Variants in SEZ6L observed in about 807,000 individuals in gnomAD.
The protein encoded by SEZ6L is seizure 6-like protein.
SEZ6L carries 37 observed loss-of-function variants against 106.2 expected under a neutral mutation model. The ratio of observed to expected loss-of-function variants is 0.35; its 90% CI spans 0.27 to 0.46. The LOEUF is 0.46. Among genes scored for constraint, SEZ6L ranks in the 20% least tolerant of loss-of-function variants. The pLI, the probability that SEZ6L is intolerant of heterozygous loss-of-function variation, is 1.00. For missense variants in SEZ6L, 1,172 were observed against 1,332.8 expected (o/e 0.88, Z 1.88); for synonymous variants, 541 against 570.4 (o/e 0.95, Z 0.73).
rs1386564055 is a variant in SEZ6L at position 26,169,610 on chromosome 22, C to T, written c.-60C>T. ...TCTCGCTCACCGCCGCCCTCCTTCC[C>T]CAGCTCCCTCGCCGTCCGCCCGCCC... On this transcript the variant is annotated 5_prime_UTR_variant, in exon 1 of 17. Transcript: ENST00000248933. 7 of 609,046 alleles carry T rather than the reference C, an allele frequency of 1.1e-5. No individual in the cohort carries two copies. In the East Asian group the frequency reaches 2.5e-4, roughly 22 times the overall value. 37.7% of individuals were successfully genotyped at this position (609,046 alleles called of 1,614,324 possible).
intron 6 of SEZ6L, among the ~76,000 whole-genome samples, chr22:26,309,572 G>A (rs552331734): frequency 4.6e-5 from 7 of 151,888 alleles, no homozygotes; most frequent in East Asian, 1.9e-4. Flanking sequence ...CTTACCTACC[G>A]TGTCCTGTTA....
intron 9 of SEZ6L, among the ~76,000 whole-genome samples, chr22:26,326,871 C>G (rs762009836): frequency 1.3e-5 from 2 of 152,234 alleles, no homozygotes; most frequent in Non-Finnish European, 2.9e-5. Flanking sequence ...GGGGAAGCCC[C>G]TGCAAACCCC....
rs775129466 is a variant in SEZ6L, at chr22:26,292,519, C to T, written c.208C>T (p.Pro70Ser). The T allele has an allele frequency of 6.2e-7, 1 of 1,613,802 alleles. No individual in the cohort carries two copies. The highest frequency in any genetic ancestry group is 8.5e-7 in the Non-Finnish European group (1 of 1,179,860). The change falls in exon 2 of 17, where the codon CCC (proline) becomes TCC (serine). Residue 70 changes from proline (P) to serine (S), a missense_variant. Transcript: ENST00000248933. ...EHPEERVVTA[P>S]PSSSQSAEVL... ...CCCTGAAGAGAGAGTGGTAACAGCGCCCCCCAGTTCCTCACAGTCGGCGGA... is the reference window on the plus strand; with the variant it reads ...CCCTGAAGAGAGAGTGGTAACAGCGTCCCCCAGTTCCTCACAGTCGGCGGA...
At position 26,321,261 on chromosome 22, in the gene SEZ6L, G is replaced by A. The variant is rs75349122; in HGVS notation, c.2015+7359G>A. On this transcript the variant is annotated intron_variant, in intron 9 of 16. Transcript: ENST00000248933. ...GGGTGGTGGGAGAGTGCCTGTGATC[G>A]CACAGCTAGAAGCTGGCGGAGCTTG... 2.1e-3 allele frequency among the ~76,000 whole-genome samples: 326 copies of A among 152,298 alleles called. 1 individual carries two copies. Among genetic ancestry groups the A allele is most frequent in the African/African-American group, 7.6e-3 (315 of 41,568 alleles).
In SEZ6L at chr22:26,232,985, C is replaced by T. The variant is rs565214425; in HGVS notation, c.95-59421C>T. 1.4e-3 allele frequency among the ~76,000 whole-genome samples: 214 copies of T among 152,324 alleles called. 1 individual carries two copies. Among genetic ancestry groups the T allele is most frequent in the African/African-American group, 5.0e-3 (208 of 41,578 alleles). On this transcript the variant is annotated intron_variant, in intron 1 of 16. Transcript: ENST00000248933. Reference sequence around the variant, plus strand: ...TCAGCTGTTAGACTCTGTCCTCCCCCGACACACACACCCTTGTGTACTCAG... The same window carrying T: ...TCAGCTGTTAGACTCTGTCCTCCCCTGACACACACACCCTTGTGTACTCAG...
intron 1 of SEZ6L, among the ~76,000 whole-genome samples, chr22:26,173,721 T>C (rs1173638752): frequency 2.0e-5 from 3 of 152,140 alleles, no homozygotes; most frequent in Non-Finnish European, 4.4e-5. Context: ...GGCTGGGAAG[T>C]CCAAGCTCAG....
At chr22:26,222,578 A>AG (rs2078508790) in intron 1 of SEZ6L, among the ~76,000 whole-genome samples, 1 of 145,532 alleles carries the variant, frequency 6.9e-6, no homozygotes, top group African/African-American at 2.6e-5. Context: ...ATCATTCTGG[A>AG]GAAAAAAAAC....
intron 1 of SEZ6L, among the ~76,000 whole-genome samples, chr22:26,194,673 G>T (rs1472215666): frequency 6.6e-6 from 1 of 152,174 alleles, no homozygotes; most frequent in Non-Finnish European, 1.5e-5. Flanking sequence ...GAACACAATT[G>T]TCAAGAGCTT....
intron 1 of SEZ6L, among the ~76,000 whole-genome samples, chr22:26,199,626 A>G (rs1382065643): frequency 6.6e-6 from 1 of 152,236 alleles, no homozygotes; most frequent in African/African-American, 2.4e-5. Context: ...TTTATGCAGC[A>G]AAACTTAAGC....
chr22:26,261,980 A>T (rs2080023377), intron 1 of SEZ6L, among the ~76,000 whole-genome samples: 1 of 152,098 alleles, frequency 6.6e-6, no homozygotes, highest in African/African-American at 2.4e-5. Context: ...GTTAGCCTCC[A>T]CGATTGGGAA....
chr22:26,271,718 C>T (rs2080376366), intron 1 of SEZ6L, among the ~76,000 whole-genome samples: 1 of 152,188 alleles, frequency 6.6e-6, no homozygotes, highest in South Asian at 2.1e-4. Context: ...CTGATGCCTC[C>T]CCAGAAGCCC....
intron 8 of SEZ6L, among the ~76,000 whole-genome samples, 193 bp from the exon 9 acceptor site, chr22:26,313,571 T>TACACACACACAC (rs56086023): frequency 9.6e-6 from 1 of 103,802 alleles, no homozygotes; most frequent in African/African-American, 4.4e-5. Context: ...ATTTAATCAT[T>TACACACACACAC]ACACACACAC....
chr22:26,222,244 G>A (rs939152916), intron 1 of SEZ6L, among the ~76,000 whole-genome samples: 1 of 152,194 alleles, frequency 6.6e-6, no homozygotes, highest in East Asian at 1.9e-4. Context: ...AGCCTCACAG[G>A]AACTTAGAGT....
chr22:26,266,877 T>C (rs1346676323), intron 1 of SEZ6L, among the ~76,000 whole-genome samples: 2 of 151,956 alleles, frequency 1.3e-5, no homozygotes, highest in Non-Finnish European at 2.9e-5. Flanking sequence ...AAGCAATGAA[T>C]GAATGAATGC....
At chr22:26,201,382 C>CAAA (rs71192905) in intron 1 of SEZ6L, among the ~76,000 whole-genome samples, 326 of 75,190 alleles carry the variant, frequency 4.3e-3, no homozygotes, top group South Asian at 0.015. Flanking sequence ...TACAAAAATA[C>CAAA]AAAAAAAAAA....
chr22:26,350,102 G>A (rs1393193961), intron 11 of SEZ6L, among the ~76,000 whole-genome samples: 3 of 151,300 alleles, frequency 2.0e-5, no homozygotes, highest in East Asian at 3.9e-4. Flanking sequence ...TAAAAAAATC[G>A]CAAATAATAA....
At chr22:26,292,112 G>A (rs1263348266) in intron 1 of SEZ6L, 12 of 332,978 alleles carry the variant, frequency 3.6e-5, no homozygotes, top group Non-Finnish European at 6.5e-5. Context: ...AATGGAAGGG[G>A]AAAGGAAGGA....
intron 12 of SEZ6L, among the ~76,000 whole-genome samples, chr22:26,361,600 A>G (rs1388895002): frequency 6.6e-6 from 1 of 152,036 alleles, no homozygotes; most frequent in Non-Finnish European, 1.5e-5. Flanking sequence ...AAAGCCATAA[A>G]AATAATCAGT....
intron 16 of SEZ6L, among the ~76,000 whole-genome samples, chr22:26,378,900 T>G (rs186502468): frequency 6.6e-6 from 1 of 152,340 alleles, no homozygotes; most frequent in East Asian, 1.9e-4. Context: ...TATCCACTGA[T>G]GTGTAACAAT....
Sources: allele counts gnomAD v4.1 joint callset (sites outside exome capture counted in the v4.1 genomes callset), GRCh38; gene constraint gnomAD v4.1.1; transcripts MANE v1.5; gene names NCBI Gene and HGNC (gene_info 2026-07-23, HGNC 2026-07-21).